SAMHD1: variants seen among roughly 807,000 people sequenced by gnomAD.
The protein encoded by SAMHD1 is deoxynucleoside triphosphate triphosphohydrolase SAMHD1.
A neutral mutation model predicts 79.6 loss-of-function variants in SAMHD1; 54 were observed. The observed-to-expected ratio is 0.68, with a 90% CI of 0.55 to 0.85. The LOEUF is 0.85. SAMHD1 is among the 40% of genes least tolerant of loss of function. The pLI, the probability that SAMHD1 is intolerant of heterozygous loss-of-function variation, is 0.00. For synonymous variants in SAMHD1, 260 were observed against 264.1 expected (o/e 0.98, Z 0.15); for missense variants, 663 against 782.7 (o/e 0.85, Z 1.82).
intron 6 of SAMHD1, among the ~76,000 whole-genome samples, chr20:36,921,017 T>C (rs1324511215): frequency 2.0e-5 from 3 of 151,622 alleles, no homozygotes. Context: ...GCCCAGGTGG[T>C]TGAGGCTGCA....
chr20:36,890,036 T>A (rs1291141), downstream of SAMHD1: 1 of 152,006 alleles, frequency 6.6e-6, no homozygotes, highest in African/African-American at 2.4e-5. Context: ...AACTAATAAA[T>A]ACTGTAGCAG....
intron 12 of SAMHD1, 70 bp from the exon 13 acceptor site, chr20:36,904,319 C>G (rs1305910684): frequency 1.3e-5 from 14 of 1,084,788 alleles, no homozygotes; most frequent in Non-Finnish European, 1.7e-5. Context: ...AACAGGTTCT[C>G]TTTATGAAAA....
At chr20:36,946,913 C>T in intron 1 of SAMHD1, 109 bp from the exon 2 acceptor site, 4 of 800,456 alleles carry the variant, frequency 5.0e-6, no homozygotes. Context: ...GTACCCACTG[C>T]AGGCAATGGA....
Position 36,904,223 on chromosome 20 carries a change from C to G in SAMHD1, c.1437G>C (p.Glu479Asp). The change falls in exon 13 of 16, where the codon GAG becomes GAC. Residue 479 changes from glutamate (E) to aspartate (D), a missense_variant. Physicochemically the swap from Glu to Asp is conservative, Grantham distance 45. Transcript: ENST00000646673. ...KREDYESLPK[E>D]VASAKPKVLL... ...ATACTTTGGGTTTAGCACTGGCAAC[C>G]TCTTTTGGAAGAGATTCATAGTCCT... is the stretch of plus-strand genomic sequence containing the variant. The G allele has an allele frequency of 6.2e-7, 1 of 1,613,540 alleles. No homozygotes were observed. Among genetic ancestry groups the G allele is most frequent in the Non-Finnish European group, 8.5e-7 (1 of 1,179,500 alleles).
intron 9 of SAMHD1, among the ~76,000 whole-genome samples, chr20:36,915,976 G>A (rs1047154461): frequency 3.3e-5 from 5 of 151,990 alleles, no homozygotes; most frequent in Admixed American, 2.6e-4. Context: ...TGGCTAACAC[G>A]GTGAAACCCT....
At position 36,940,930 on chromosome 20, in the gene SAMHD1, T is replaced by A. The variant is rs184491046; in HGVS notation, c.348+109A>T. 9.9e-6 allele frequency: 8 copies of A among 808,792 alleles called. No homozygotes were observed. In the East Asian group the frequency reaches 2.1e-4, roughly 21 times the overall value. 50.1% of individuals were successfully genotyped at this position (808,792 alleles called of 1,614,324 possible). The stretch of plus-strand genomic sequence containing the variant: ...TTTAGAAAAGATCCACTACTCACAA[T>A]TCTATCACTGAGAAGCAGATTTCCT... On this transcript the variant is annotated intron_variant, in intron 3 of 15. Coordinates refer to ENST00000646673, the MANE Select transcript of SAMHD1 (RefSeq NM_015474.4).
intron 11 of SAMHD1, 145 bp from the exon 12 acceptor site, chr20:36,905,648 A>T (rs1272533725): frequency 2.6e-6 from 2 of 771,550 alleles, no homozygotes; most frequent in East Asian, 5.4e-5. Flanking sequence ...AAAAATTTTT[A>T]AAAGATTTAA....
At chr20:36,950,789 CTGCTGGGA>C (rs1377291997) in intron 1 of SAMHD1, among the ~76,000 whole-genome samples, 3 of 152,214 alleles carry the variant, frequency 2.0e-5, no homozygotes, top group African/African-American at 7.2e-5. Context: ...CTATCGGGCG[CTGCTGGGA>C]TGCCAAGGAA....
chr20:36,949,755 CAAAAAAAAAAA>C (rs34682795), intron 1 of SAMHD1, among the ~76,000 whole-genome samples: 1 of 69,826 alleles, frequency 1.4e-5, no homozygotes, highest in Non-Finnish European at 2.5e-5. Context: ...GACTCTGTCT[CAAAAAAAAAAA>C]AAAAAAAAAA....
At chr20:36,929,309 T>A (rs2146130276) in intron 5 of SAMHD1, among the ~76,000 whole-genome samples, 1 of 152,234 alleles carries the variant, frequency 6.6e-6, no homozygotes, top group East Asian at 1.9e-4. Flanking sequence ...CTACTTGCTT[T>A]AAGTATCTGG....
At chr20:36,899,288 CG>C (rs1326577700) in intron 13 of SAMHD1, among the ~76,000 whole-genome samples, 1 of 149,730 alleles carries the variant, frequency 6.7e-6, no homozygotes, top group Non-Finnish European at 1.5e-5. Flanking sequence ...ATTAGCCAGA[CG>C]TGGTGTTGTG....
rs1794524337 is a variant in SAMHD1, at chr20:36,917,018, CT to C, written c.883del (p.Ser295AlafsTer6). 1 of 1,613,806 alleles carries C rather than the reference CT, an allele frequency of 6.2e-7. No individual in the cohort carries two copies. The highest frequency in any genetic ancestry group is 8.5e-7 in the Non-Finnish European group (1 of 1,179,900). ...ATTAGATACTATCTCATAAAGGAAG[CT>C]TTTGTTTTCAGGACGCCCTTTATAT... ...WPYKGRPENK[S>X]FLYEIVSNKR... On this transcript the variant is annotated frameshift_variant, in exon 8 of 16. Transcript: ENST00000646673. LOFTEE classifies it high-confidence loss of function.
chr20:36,926,987 T>C, intron 6 of SAMHD1, 195 bp downstream of exon 6: 1 of 548,984 alleles, frequency 1.8e-6, no homozygotes, highest in Non-Finnish European at 3.2e-6. Flanking sequence ...AAAAGGGAGA[T>C]AACGATAACT....
chr20:36,934,668 T>TC (rs2063591232), intron 4 of SAMHD1: 1 of 154,844 alleles, frequency 6.5e-6, no homozygotes, highest in Non-Finnish European at 1.4e-5. Flanking sequence ...TTTTTTTTTT[T>TC]TTTTTTGAGA....
At position 36,927,314 on chromosome 20, in the gene SAMHD1, CTTTTTTTTT is replaced by C. The variant is rs529639777; in HGVS notation, c.626-71_626-63del. 485 of 766,206 alleles carry C rather than the reference CTTTTTTTTT, an allele frequency of 6.3e-4. 1 individual carries two copies. In the African/African-American group the frequency reaches 8.0e-3, roughly 13 times the overall value. The allele number at this position is 766,206 out of a possible 1,614,324, so 47.5% of individuals were successfully genotyped here. ...TCTGTAAACCAACAAAAACTTTTTCCTTTTTTTTTTTTTTTTTTTTGAGACGGAGTTTCG... is the reference window on the plus strand; with the variant it reads ...TCTGTAAACCAACAAAAACTTTTTCCTTTTTTTTTTTGAGACGGAGTTTCG... On this transcript the variant is annotated intron_variant, in intron 5 of 15. Transcript: ENST00000646673.
intron 10 of SAMHD1, 142 bp downstream of exon 10, chr20:36,912,319 T>G (rs2063445289): frequency 1.5e-6 from 1 of 656,100 alleles, no homozygotes; most frequent in Non-Finnish European, 2.7e-6. Context: ...TGCTAGATTT[T>G]TTTTCTTTAA....
chr20:36,912,540 G>A lies in SAMHD1; in HGVS notation c.1075C>T (p.Leu359=). ...TTGCGAGTGTGGAACATGTCATACA[G>A]ATTTCCAACTTCCTGCAGGAAAACA... ...ICARDKEVGN[L]YDMFHTRNSL... Residue 359 remains leucine (L), a synonymous_variant, in exon 10 of 16, where the codon CTG becomes TTG. Coordinates refer to ENST00000646673, the MANE Select transcript of SAMHD1 (RefSeq NM_015474.4). 6.2e-7 allele frequency: 1 copy of A among 1,610,886 alleles called. No individual in the cohort carries two copies. Among genetic ancestry groups the A allele is most frequent in the Non-Finnish European group, 8.5e-7 (1 of 1,177,354 alleles).
intron 3 of SAMHD1, among the ~76,000 whole-genome samples, chr20:36,935,765 T>C (rs1384353703): frequency 6.6e-6 from 1 of 152,104 alleles, no homozygotes; most frequent in Non-Finnish European, 1.5e-5. Flanking sequence ...GAGATGGGGT[T>C]TCACTATGTT....
At chr20:36,930,434 T>G (rs2063561618) in intron 5 of SAMHD1, among the ~76,000 whole-genome samples, 1 of 151,742 alleles carries the variant, frequency 6.6e-6, no homozygotes, top group Non-Finnish European at 1.5e-5. Flanking sequence ...AAGCGGAGGT[T>G]GCAGTGAACC....
Sources: gnomAD v4.1 joint callset for allele counts (sites outside exome capture counted in the v4.1 genomes callset) on GRCh38, gnomAD v4.1.1 for gene constraint, MANE v1.5 for transcripts, NCBI Gene and HGNC (gene_info 2026-07-23, HGNC 2026-07-21) for gene names.